Variants in PRKG1 observed in about 807,000 individuals in gnomAD.
PRKG1 encodes the protein cGMP-dependent protein kinase 1.
Under a neutral mutation model 88.1 loss-of-function variants are expected in PRKG1, and 35 were observed. The observed-to-expected ratio is 0.40, with a 90% CI of 0.30 to 0.53. The LOEUF (loss-of-function observed/expected upper bound fraction) is 0.53. Ranked by LOEUF, PRKG1 falls within the 20% of genes least tolerant of loss-of-function variation. The pLI, the probability that PRKG1 is intolerant of heterozygous loss-of-function variation, is 0.59. For synonymous variants in PRKG1, 303 were observed against 292.5 expected (o/e 1.04, Z -0.37); for missense variants, 540 against 839.8 (o/e 0.64, Z 4.41).
intron 3 of PRKG1, among the ~76,000 whole-genome samples, chr10:51,486,286 C>A (rs924258691): frequency 6.6e-5 from 10 of 151,982 alleles, no homozygotes; most frequent in African/African-American, 2.4e-4. Flanking sequence ...CCACTCTCTA[C>A]TTCTGTGAGT....
intron 3 of PRKG1, among the ~76,000 whole-genome samples, chr10:51,621,025 A>ATATATATATG (rs1234992888): frequency 2.0e-5 from 3 of 146,846 alleles, no homozygotes; most frequent in South Asian, 4.3e-4. Flanking sequence ...ATATATATAT[A>ATATATATATG]TATATATGAC....
At chr10:51,445,875 G>A (rs1232378725) in intron 2 of PRKG1, among the ~76,000 whole-genome samples, 1 of 151,604 alleles carries the variant, frequency 6.6e-6, no homozygotes, top group Non-Finnish European at 1.5e-5. Context: ...AAAAAAAACT[G>A]CTCATCTCTC....
intron 1 of PRKG1, among the ~76,000 whole-genome samples, chr10:51,117,274 T>C (rs185104028): frequency 6.6e-6 from 1 of 152,326 alleles, no homozygotes; most frequent in African/African-American, 2.4e-5. Flanking sequence ...TGCTTCTTTG[T>C]GCACAGTATG....
chr10:51,529,252 G>A (rs377281367), intron 3 of PRKG1, among the ~76,000 whole-genome samples: 6 of 151,754 alleles, frequency 4.0e-5, no homozygotes, highest in Admixed American at 1.3e-4. Flanking sequence ...CCTATTCAAG[G>A]CCTAAGTCTC....
At chr10:52,273,829 A>G (rs2132436246) in intron 12 of PRKG1, among the ~76,000 whole-genome samples, 1 of 152,282 alleles carries the variant, frequency 6.6e-6, no homozygotes, top group East Asian at 1.9e-4. Flanking sequence ...GAGATTATAT[A>G]CCAGGCATTG....
chr10:52,229,423 AT>A (rs781616382), intron 9 of PRKG1, among the ~76,000 whole-genome samples: 5 of 152,124 alleles, frequency 3.3e-5, no homozygotes, highest in Non-Finnish European at 7.4e-5. Context: ...GTCTTTTCCC[AT>A]TTCCCAATGA....
At chr10:51,005,901 T>A (rs1842936018) in intron 1 of PRKG1, among the ~76,000 whole-genome samples, 1 of 152,220 alleles carries the variant, frequency 6.6e-6, no homozygotes, top group Admixed American at 6.5e-5. Context: ...CGTTGTTCAG[T>A]TCTCAGGAAT....
chr10:51,731,580 CAAG>C (rs1187355789), intron 3 of PRKG1, among the ~76,000 whole-genome samples: 1 of 152,062 alleles, frequency 6.6e-6, no homozygotes, highest in Non-Finnish European at 1.5e-5. Flanking sequence ...GACAAACCAT[CAAG>C]AAGAGAAAAT....
intron 2 of PRKG1, among the ~76,000 whole-genome samples, chr10:51,384,918 A>G (rs1364975124): frequency 2.0e-5 from 3 of 152,234 alleles, no homozygotes; most frequent in Admixed American, 1.3e-4. Flanking sequence ...TGAGTTCTGT[A>G]CTATTTCCTT....
At chr10:51,751,122 A>T (rs1315451354) in intron 3 of PRKG1, among the ~76,000 whole-genome samples, 2 of 152,176 alleles carry the variant, frequency 1.3e-5, no homozygotes, top group Non-Finnish European at 2.9e-5. Flanking sequence ...AGTTCAGATT[A>T]ATTCACTTCC....
intron 2 of PRKG1, among the ~76,000 whole-genome samples, chr10:51,405,023 T>G (rs888967519): frequency 2.6e-5 from 4 of 152,352 alleles, no homozygotes; most frequent in African/African-American, 9.6e-5. Context: ...ATTTTGATTA[T>G]GAAGCCTTCC....
At chr10:52,242,723 C>T (rs979622058) in intron 9 of PRKG1, among the ~76,000 whole-genome samples, 2 of 151,896 alleles carry the variant, frequency 1.3e-5, no homozygotes, top group African/African-American at 2.4e-5. Flanking sequence ...ATGGTGAAAC[C>T]CTGTCTCTAC....
intron 8 of PRKG1, among the ~76,000 whole-genome samples, chr10:52,156,572 G>C (rs1001381434): frequency 6.6e-6 from 1 of 151,678 alleles, no homozygotes; most frequent in African/African-American, 2.4e-5. Context: ...TATGGATGTG[G>C]CTGGTTTTAT....
chr10:51,549,942 CT>C (rs779955024), intron 3 of PRKG1, among the ~76,000 whole-genome samples: 1 of 152,036 alleles, frequency 6.6e-6, no homozygotes, highest in South Asian at 2.1e-4. Context: ...TTTGTTATTG[CT>C]TTTGCCTAGA....
At chr10:52,272,299 C>A in intron 11 of PRKG1, 93 bp from the exon 12 acceptor site, 4 of 956,132 alleles carry the variant, frequency 4.2e-6, no homozygotes, top group Non-Finnish European at 6.1e-6. Flanking sequence ...TTGAGCTTGG[C>A]AAATCAAAAC....
chr10:51,600,752 C>T (rs1164983175), intron 3 of PRKG1, among the ~76,000 whole-genome samples: 1 of 152,126 alleles, frequency 6.6e-6, no homozygotes, highest in Non-Finnish European at 1.5e-5. Flanking sequence ...TGCTTATCAG[C>T]CACATGTGAC....
chr10:51,771,769 AG>A (rs1455593534), intron 3 of PRKG1, among the ~76,000 whole-genome samples: 1 of 152,190 alleles, frequency 6.6e-6, no homozygotes, highest in African/African-American at 2.4e-5. Context: ...CTAGCACTTC[AG>A]GCAACTCCAG....
chr10:51,113,944 CGTGT>C (rs35562284), intron 1 of PRKG1, among the ~76,000 whole-genome samples: 30,114 of 138,856 alleles, frequency 0.22, 3,208 homozygotes, highest in Non-Finnish European at 0.25. Flanking sequence ...AGCCTGTAAA[CGTGT>C]GTGTGTGTGT....
At chr10:52,037,127 C>T in intron 5 of PRKG1, among the ~76,000 whole-genome samples, 1 of 152,224 alleles carries the variant, frequency 6.6e-6, no homozygotes, top group Non-Finnish European at 1.5e-5. Context: ...GTTGAACAGT[C>T]CGATTTTCAG....
Sources: allele counts gnomAD v4.1 joint callset (sites outside exome capture counted in the v4.1 genomes callset), GRCh38; gene constraint gnomAD v4.1.1; transcripts MANE v1.5; gene names NCBI Gene and HGNC (gene_info 2026-07-23, HGNC 2026-07-21).